The following VIT variants were observed in gnomAD, a reference collection of about 807,000 sequenced individuals.
The protein encoded by VIT is vitrin.
Under a neutral mutation model 78.0 loss-of-function variants are expected in VIT, and 99 were observed. The observed-to-expected ratio is 1.27, with a 90% confidence interval of 1.08 to 1.50. The LOEUF is 1.50. Ranked by LOEUF, VIT falls within the 40% of genes most tolerant of loss-of-function variation. VIT has a pLI of 0.00. For missense variants in VIT, 1,126 were observed against 875.3 expected, an observed-to-expected ratio of 1.29 and a Z score of -3.61; for synonymous variants, 374 against 334.3, an observed-to-expected ratio of 1.12 and a Z score of -1.29.
chr2:36,726,069 A>C (rs895227452), intron 2 of VIT, among the ~76,000 whole-genome samples: 3 of 110,426 alleles, frequency 2.7e-5, no homozygotes, highest in Non-Finnish European at 5.2e-5. Flanking sequence ...ACTCTGTCTC[A>C]AAAAAAAAAA....
intron 13 of VIT, among the ~76,000 whole-genome samples, chr2:36,802,085 T>C (rs1038402071): frequency 6.6e-5 from 10 of 152,212 alleles, no homozygotes; most frequent in Non-Finnish European, 1.0e-4. Context: ...AAGAGAAACA[T>C]GTTCTCTGTT....
At chr2:36,725,601 G>A (rs1450498317) in intron 2 of VIT, among the ~76,000 whole-genome samples, 2 of 104,210 alleles carry the variant, frequency 1.9e-5, no homozygotes, top group African/African-American at 7.6e-5. Flanking sequence ...TAGTTGAGGG[G>A]TGGGGGGGGG....
At chr2:36,765,676 G>A (rs1210451701) in intron 6 of VIT, among the ~76,000 whole-genome samples, 1 of 152,208 alleles carries the variant, frequency 6.6e-6, no homozygotes, top group East Asian at 1.9e-4. Context: ...GAAGATGCTG[G>A]CCTTGAAAAC....
rs143152433 is a variant in VIT at position 36,808,712 on chromosome 2, G to A, written c.1630G>A (p.Asp544Asn). The A allele has an allele frequency of 2.1e-5, 34 of 1,614,200 alleles. No homozygotes were observed. In the African/African-American group the frequency reaches 2.5e-4, roughly 12 times the overall value. The change falls in exon 15 of 16, where the codon GAC (aspartate) becomes AAC (asparagine). Residue 544 changes from aspartate to asparagine, a missense_variant. By Grantham distance (23) the Asp-to-Asn change is conservative (BLOSUM62 1). Coordinates refer to ENST00000379242, the MANE Select transcript of VIT (RefSeq NM_053276.4). ...TNLTKEFEIS[D>N]TDTRIGAVQY... ...CCTCACCAAAGAGTTTGAGATTTCC[G>A]ACACGGACACGCGCATCGGGGCCGT...
chr2:36,715,004 G>A (rs917750230), intron 1 of VIT, among the ~76,000 whole-genome samples: 2 of 152,128 alleles, frequency 1.3e-5, no homozygotes, highest in African/African-American at 4.8e-5. Context: ...GGTCTCTGTT[G>A]GCACTGTTCC....
chr2:36,705,108 T>C (rs1665330483), intron 1 of VIT, among the ~76,000 whole-genome samples: 1 of 152,180 alleles, frequency 6.6e-6, no homozygotes, highest in Non-Finnish European at 1.5e-5. Flanking sequence ...CAAAGAAGTT[T>C]GTGATGAGAG....
At chr2:36,726,832 A>AAAAC (rs1666881926) in intron 2 of VIT, among the ~76,000 whole-genome samples, 1 of 148,034 alleles carries the variant, frequency 6.8e-6, no homozygotes, top group African/African-American at 2.5e-5. Flanking sequence ...AAAAAAAAAA[A>AAAAC]AAAAAAAAAA....
At chr2:36,702,961 T>A (rs182295920) in intron 1 of VIT, among the ~76,000 whole-genome samples, 2 of 152,306 alleles carry the variant, frequency 1.3e-5, no homozygotes, top group East Asian at 3.9e-4. Context: ...CAGCCCTCCA[T>A]GCACCTGACT....
chr2:36,735,723 A>G (rs1159838011), intron 3 of VIT, among the ~76,000 whole-genome samples: 1 of 152,136 alleles, frequency 6.6e-6, no homozygotes, highest in Admixed American at 6.5e-5. Flanking sequence ...ACTGGAACCT[A>G]TTTGGCCACT....
At chr2:36,799,510 C>T (rs1203626567) in intron 12 of VIT, among the ~76,000 whole-genome samples, 1 of 152,050 alleles carries the variant, frequency 6.6e-6, no homozygotes, top group Non-Finnish European at 1.5e-5. Context: ...TGAGTCCACG[C>T]TTTTAAGACC....
intron 9 of VIT, among the ~76,000 whole-genome samples, chr2:36,779,166 C>T (rs989350288): frequency 2.0e-5 from 3 of 152,192 alleles, no homozygotes; most frequent in African/African-American, 7.2e-5. Flanking sequence ...AACCAAGTAC[C>T]CCGAGGTGCT....
intron 3 of VIT, among the ~76,000 whole-genome samples, chr2:36,741,424 A>AC (rs1480437456): frequency 2.6e-5 from 4 of 152,154 alleles, no homozygotes; most frequent in African/African-American, 9.7e-5. Flanking sequence ...ATCAAACTCA[A>AC]CCCCTCGGTT....
At chr2:36,727,313 A>G (rs961888795) in intron 2 of VIT, among the ~76,000 whole-genome samples, 1 of 152,168 alleles carries the variant, frequency 6.6e-6, no homozygotes, top group Non-Finnish European at 1.5e-5. Flanking sequence ...GGTGCACACA[A>G]TAGGTGCACA....
At chr2:36,810,016 G>T (rs1428878892) in intron 15 of VIT, among the ~76,000 whole-genome samples, 1 of 140,282 alleles carries the variant, frequency 7.1e-6, no homozygotes, top group East Asian at 2.3e-4. Flanking sequence ...AAAGGGCCAG[G>T]CACAATGGCC....
intron 3 of VIT, 70 bp downstream of exon 3, chr2:36,729,561 T>G: frequency 6.7e-7 from 1 of 1,500,402 alleles, no homozygotes; most frequent in African/African-American, 1.4e-5. Flanking sequence ...TTATACTTGT[T>G]TTAGGTAATT....
rs935053136 is a variant in VIT, at chr2:36,790,924, G to T, written c.1058+3648G>T. 2.0e-5 allele frequency among the ~76,000 whole-genome samples: 3 copies of T among 151,866 alleles called. No individual in the cohort carries two copies. In the East Asian group the frequency reaches 5.8e-4, roughly 29 times the overall value. Reference sequence around the variant, plus strand: ...AGTCAATGAAAGAACAGCCAGGCAAGCCATTAGGTGAACTCTAGTAACGTG... The same window carrying T: ...AGTCAATGAAAGAACAGCCAGGCAATCCATTAGGTGAACTCTAGTAACGTG... On this transcript the variant is annotated intron_variant, in intron 12 of 15. Coordinates refer to ENST00000379242, the MANE Select transcript of VIT (RefSeq NM_053276.4).
chr2:36,746,458 T>G (rs542989988), intron 4 of VIT, among the ~76,000 whole-genome samples: 1 of 152,150 alleles, frequency 6.6e-6, no homozygotes, highest in East Asian at 1.9e-4. Context: ...TTAGTAGGTT[T>G]TTTATTATTA....
intron 9 of VIT, among the ~76,000 whole-genome samples, chr2:36,780,209 G>A (rs1459657613): frequency 6.6e-6 from 1 of 152,184 alleles, no homozygotes; most frequent in Non-Finnish European, 1.5e-5. Context: ...CAGGCTTCTA[G>A]GACAGGAGCA....
At chr2:36,790,227 G>A (rs142036199) in intron 12 of VIT, among the ~76,000 whole-genome samples, 16 of 152,304 alleles carry the variant, frequency 1.1e-4, no homozygotes, top group African/African-American at 3.9e-4. Flanking sequence ...GGTAGCCCAG[G>A]TGAAGGGAGA....
Sources: allele counts gnomAD v4.1 joint callset (sites outside exome capture counted in the v4.1 genomes callset), GRCh38; gene constraint gnomAD v4.1.1; transcripts MANE v1.5; gene names NCBI Gene and HGNC (gene_info 2026-07-23, HGNC 2026-07-21).